The following LYPD6B variants were observed in gnomAD, a reference collection of about 807,000 sequenced individuals.
The protein encoded by LYPD6B is ly6/PLAUR domain-containing protein 6B.
Under a neutral mutation model 22.8 loss-of-function variants are expected in LYPD6B, and 17 were observed. The ratio of observed to expected loss-of-function variants is 0.75; its 90% confidence interval spans 0.51 to 1.12. The LOEUF is 1.12. LYPD6B is among the 50% of genes most tolerant of loss of function. The pLI is 0.00. For missense variants in LYPD6B, 221 were observed against 258.3 expected (o/e 0.86, Z 0.99); for synonymous variants, 106 against 91.6 (o/e 1.16, Z -0.90).
At chr2:149,120,384 T>TATATATATA (rs55814140) in intron 1 of LYPD6B, among the ~76,000 whole-genome samples, 4 of 33,824 alleles carry the variant, frequency 1.2e-4, no homozygotes, top group Non-Finnish European at 1.9e-4. Context: ...TATATATATA[T>TATATATATA]TTTTTTTTTT....
intron 1 of LYPD6B, among the ~76,000 whole-genome samples, chr2:149,082,170 A>G (rs957420336): frequency 6.6e-6 from 1 of 152,118 alleles, no homozygotes; most frequent in African/African-American, 2.4e-5. Flanking sequence ...CTCCCCCTTA[A>G]TATCTGTCTG....
At chr2:149,192,312 G>T (rs1667991269) in intron 3 of LYPD6B, among the ~76,000 whole-genome samples, 1 of 152,118 alleles carries the variant, frequency 6.6e-6, no homozygotes, top group South Asian at 2.1e-4. Flanking sequence ...ACTAAGAGAA[G>T]TGGCTTCCTT....
intron 2 of LYPD6B, among the ~76,000 whole-genome samples, chr2:149,133,907 G>A (rs1688186318): frequency 2.0e-5 from 3 of 152,170 alleles, no homozygotes; most frequent in African/African-American, 7.2e-5. Context: ...CATGGTTCCT[G>A]TTCTCTGGGG....
At chr2:149,162,236 G>A (rs1690114914) in intron 3 of LYPD6B, among the ~76,000 whole-genome samples, 1 of 152,170 alleles carries the variant, frequency 6.6e-6, no homozygotes, top group East Asian at 1.9e-4. Context: ...GGTAACATTT[G>A]TTTGTTCTTA....
At chr2:149,176,292 T>C (rs1215893117) in intron 3 of LYPD6B, among the ~76,000 whole-genome samples, 1 of 152,174 alleles carries the variant, frequency 6.6e-6, no homozygotes, top group East Asian at 1.9e-4. Flanking sequence ...TGTGCGTGTG[T>C]GCACACAGAT....
At chr2:149,180,210 G>A (rs1691610918) in intron 3 of LYPD6B, among the ~76,000 whole-genome samples, 1 of 152,236 alleles carries the variant, frequency 6.6e-6, no homozygotes, top group East Asian at 1.9e-4. Flanking sequence ...TTTAGGATTC[G>A]AATACAAAAA....
At chr2:149,172,068 A>G (rs1397352238) in intron 3 of LYPD6B, among the ~76,000 whole-genome samples, 12 of 152,138 alleles carry the variant, frequency 7.9e-5, no homozygotes, top group Admixed American at 7.9e-4. Flanking sequence ...GGTTTAATTG[A>G]CTCACAGTTC....
intron 3 of LYPD6B, among the ~76,000 whole-genome samples, chr2:149,166,593 G>A (rs1361977297): frequency 6.6e-6 from 1 of 152,096 alleles, no homozygotes; most frequent in Non-Finnish European, 1.5e-5. Flanking sequence ...TGGCTGTCTA[G>A]CATCTTATCT....
intron 1 of LYPD6B, among the ~76,000 whole-genome samples, chr2:149,042,660 C>G (rs1027630190): frequency 3.3e-5 from 5 of 152,050 alleles, no homozygotes; most frequent in Admixed American, 2.6e-4. Context: ...AGCTTACAGT[C>G]TACTAGATGG....
intron 3 of LYPD6B, among the ~76,000 whole-genome samples, chr2:149,161,176 C>G (rs1425920603): frequency 1.3e-5 from 2 of 152,018 alleles, no homozygotes; most frequent in Non-Finnish European, 2.9e-5. Flanking sequence ...GATGGGGGTG[C>G]GTCGGGGGTG....
intron 1 of LYPD6B, among the ~76,000 whole-genome samples, chr2:149,075,438 TTTAGAC>T (rs1159031863): frequency 1.3e-5 from 2 of 152,198 alleles, no homozygotes; most frequent in African/African-American, 4.8e-5. Context: ...TTCTGGCCAA[TTTAGAC>T]TTAATGTGTA....
chr2:149,205,355 G>A lies in LYPD6B; in HGVS notation c.180G>A (p.Trp60Ter). The change falls in exon 4 of 7, where the codon TGG becomes TGA. Residue 60 changes from tryptophan (W) to a stop codon, truncating the protein, a stop_gained. Transcript: ENST00000409642. LOFTEE classifies it high-confidence loss of function. ...VVQIVIFSES[W>*]AFAKNINFYN... ...AGATCGTTATCTTCTCAGAAAGCTG[G>A]GCATTTGCCAAGAACATCAACTTCT... 6.2e-7 allele frequency: 1 copy of A among 1,613,962 alleles called. No individual in the cohort carries two copies. The highest frequency in any genetic ancestry group is 8.5e-7 in the Non-Finnish European group (1 of 1,179,848).
intron 2 of LYPD6B, among the ~76,000 whole-genome samples, chr2:149,145,276 C>T (rs554433422): frequency 1.3e-5 from 2 of 152,328 alleles, no homozygotes; most frequent in South Asian, 2.1e-4. Context: ...AGAAACCCTT[C>T]TCAAACTACT....
At chr2:149,069,228 A>G (rs1249829279) in intron 1 of LYPD6B, among the ~76,000 whole-genome samples, 1 of 152,102 alleles carries the variant, frequency 6.6e-6, no homozygotes, top group Non-Finnish European at 1.5e-5. Context: ...ATGACTAGTC[A>G]TTAATAATCA....
At chr2:149,203,796 T>A (rs17528618) in intron 3 of LYPD6B, among the ~76,000 whole-genome samples, 30,002 of 152,146 alleles carry the variant, frequency 0.2, 3,449 homozygotes, top group Non-Finnish European at 0.26. Context: ...GCAAACACCA[T>A]CGATAGGGAT....
Position 149,115,346 on chromosome 2 carries a change from C to T in LYPD6B, c.-66-15537C>T, listed in dbSNP as rs544310877. 1.9e-3 allele frequency among the ~76,000 whole-genome samples: 282 copies of T among 152,258 alleles called. 1 individual carries two copies. The highest frequency in any genetic ancestry group is 3.1e-3 in the Non-Finnish European group (209 of 68,004). ...AAATTCTAAGCAGTTTTCTATCTAC[C>T]TTATTGGAATGTTTTCATGGTCAAA... On this transcript the variant is annotated intron_variant, in intron 1 of 6. Transcript: ENST00000409642.
At chr2:149,178,046 C>G (rs529061370) in intron 3 of LYPD6B, among the ~76,000 whole-genome samples, 174 of 152,016 alleles carry the variant, frequency 1.1e-3, no homozygotes, top group Non-Finnish European at 2.0e-3. Flanking sequence ...ATTGAGATTC[C>G]AAGAAGTATT....
At chr2:149,149,732 A>G (rs1328847423) in intron 2 of LYPD6B, among the ~76,000 whole-genome samples, 1 of 152,196 alleles carries the variant, frequency 6.6e-6, no homozygotes, top group Admixed American at 6.5e-5. Context: ...TAACTGTAGA[A>G]GAACATCTTG....
intron 3 of LYPD6B, among the ~76,000 whole-genome samples, chr2:149,196,131 CAT>C (rs1476233714): frequency 6.6e-6 from 1 of 152,318 alleles, no homozygotes; most frequent in East Asian, 1.9e-4. Context: ...AAATTATGCA[CAT>C]ATATATCTTT....
Sources: allele counts gnomAD v4.1 joint callset (sites outside exome capture counted in the v4.1 genomes callset), GRCh38; gene constraint gnomAD v4.1.1; transcripts MANE v1.5; gene names NCBI Gene and HGNC (gene_info 2026-07-23, HGNC 2026-07-21).